Variants in SLC13A3 observed in about 807,000 individuals in gnomAD.
SLC13A3 encodes the protein Na(+)/dicarboxylate cotransporter 3.
SLC13A3 carries 40 observed loss-of-function variants against 59.0 expected under a neutral mutation model. The ratio of observed to expected loss-of-function variants is 0.68; its 90% CI spans 0.53 to 0.88. The LOEUF (loss-of-function observed/expected upper bound fraction) is 0.88. Among genes scored for constraint, SLC13A3 ranks in the 40% least tolerant of loss-of-function variants. The pLI is 0.00. For missense variants in SLC13A3, 699 were observed against 783.2 expected (o/e 0.89, Z 1.28); for synonymous variants, 317 against 330.3 (o/e 0.96, Z 0.44).
At chr20:46,647,532 T>G (rs1318919431) in intron 1 of SLC13A3, among the ~76,000 whole-genome samples, 2 of 152,210 alleles carry the variant, frequency 1.3e-5, no homozygotes, top group Non-Finnish European at 2.9e-5. Flanking sequence ...CCCAACTTCC[T>G]GAGCCCCCAG....
At chr20:46,655,398 C>T (rs1357368262), upstream of SLC13A3, among the ~76,000 whole-genome samples, 2 of 149,374 alleles carry the variant, frequency 1.3e-5, no homozygotes, top group Admixed American at 1.3e-4. Flanking sequence ...TTAATTAGCT[C>T]ATGGTTATGC....
At chr20:46,660,390 G>A (rs1366147331) in intron 1 of SLC13A3, among the ~76,000 whole-genome samples, 1 of 151,888 alleles carries the variant, frequency 6.6e-6, no homozygotes, top group Non-Finnish European at 1.5e-5. Flanking sequence ...TTTTCCTTTA[G>A]TACTTAAAGA....
At chr20:46,636,547 T>C (rs17481569) in intron 1 of SLC13A3, among the ~76,000 whole-genome samples, 16,886 of 152,254 alleles carry the variant, frequency 0.11, 1,030 homozygotes, top group Non-Finnish European at 0.14. Flanking sequence ...AGGTCCCTAT[T>C]AACCTCTCAC....
chr20:46,588,148 A>T lies in SLC13A3; in HGVS notation c.1032T>A (p.Ala344=). The change falls in exon 8 of 13, where the codon GCT becomes GCA. Residue 344 remains alanine (A), a synonymous_variant. Transcript: ENST00000279027. ...NLGPIKFAEQ[A]VFILFCMFAI... Reference sequence around the variant, plus strand: ...CAAACATGCAGAAAAGGATGAAAACAGCCTGTTCGGCAAACCTGTGGCACA... The same window carrying T: ...CAAACATGCAGAAAAGGATGAAAACTGCCTGTTCGGCAAACCTGTGGCACA... 6.2e-7 allele frequency: 1 copy of T among 1,611,362 alleles called. No homozygotes were observed. Among genetic ancestry groups the T allele is most frequent in the South Asian group, 1.1e-5 (1 of 90,832 alleles).
At chr20:46,576,669 C>T (rs1460520413) in intron 9 of SLC13A3, among the ~76,000 whole-genome samples, 1 of 152,114 alleles carries the variant, frequency 6.6e-6, no homozygotes, top group Non-Finnish European at 1.5e-5. Flanking sequence ...ATGCCTGGTG[C>T]AGGGTAATCA....
intron 1 of SLC13A3, among the ~76,000 whole-genome samples, chr20:46,648,546 C>A (rs1194602868): frequency 6.6e-6 from 1 of 152,010 alleles, no homozygotes; most frequent in African/African-American, 2.4e-5. Context: ...AAAGGGTCCC[C>A]ACAAGGGAAC....
At chr20:46,616,576 G>C (rs1462110033) in intron 1 of SLC13A3, among the ~76,000 whole-genome samples, 1 of 152,212 alleles carries the variant, frequency 6.6e-6, no homozygotes, top group East Asian at 1.9e-4. Flanking sequence ...AGACCCTTTT[G>C]TTGGAAAAGC....
At chr20:46,588,253 G>T in intron 7 of SLC13A3, 90 bp from the exon 8 acceptor site, 1 of 724,730 alleles carries the variant, frequency 1.4e-6, no homozygotes. Flanking sequence ...CACTGGGAGT[G>T]ACTGGGCCCG....
intron 11 of SLC13A3, 77 bp from the exon 12 acceptor site, chr20:46,563,628 G>GAGAGAC: frequency 6.7e-7 from 1 of 1,488,118 alleles, no homozygotes; most frequent in Non-Finnish European, 9.1e-7. Context: ...GAGAGAGAGA[G>GAGAGAC]AGAGGCAGTT....
intron 1 of SLC13A3, among the ~76,000 whole-genome samples, chr20:46,615,592 T>C (rs924638695): frequency 1.3e-5 from 2 of 152,188 alleles, no homozygotes; most frequent in Non-Finnish European, 2.9e-5. Flanking sequence ...GATAGATCTG[T>C]TGTGATATGT....
chr20:46,629,750 C>T (rs527547732), intron 1 of SLC13A3, among the ~76,000 whole-genome samples: 4 of 152,264 alleles, frequency 2.6e-5, no homozygotes, highest in African/African-American at 9.6e-5. Flanking sequence ...CCTTCTGCTT[C>T]TTAATCTCTC....
chr20:46,564,767 C>T (rs760929116), intron 11 of SLC13A3, among the ~76,000 whole-genome samples: 9 of 152,188 alleles, frequency 5.9e-5, no homozygotes, highest in African/African-American at 1.2e-4. Flanking sequence ...AATGCATAGA[C>T]AAGGCTCAGG....
chr20:46,638,308 A>G (rs2694903), intron 1 of SLC13A3, among the ~76,000 whole-genome samples: 46,971 of 152,204 alleles, frequency 0.31, 11,041 homozygotes, highest in African/African-American at 0.64. Context: ...GTTAATAAAA[A>G]GAGCTGGAAG....
chr20:46,671,404 G>A (rs2063090720), upstream of SLC13A3, among the ~76,000 whole-genome samples: 1 of 151,990 alleles, frequency 6.6e-6, no homozygotes. Flanking sequence ...GGATCCCAAA[G>A]GCATGTCCTA....
At chr20:46,664,704 T>G (rs2063052096) in intron 1 of SLC13A3, among the ~76,000 whole-genome samples, 1 of 152,156 alleles carries the variant, frequency 6.6e-6, no homozygotes, top group Admixed American at 6.5e-5. Flanking sequence ...TTGAGAGTGG[T>G]GCTTTGGAGG....
upstream of SLC13A3, among the ~76,000 whole-genome samples, chr20:46,653,027 T>G (rs902044385): frequency 4.6e-5 from 7 of 152,224 alleles, no homozygotes; most frequent in African/African-American, 1.7e-4. Context: ...TCTTTTCACA[T>G]GCTAATTTGC....
chr20:46,637,668 C>T (rs1204486827), intron 1 of SLC13A3, among the ~76,000 whole-genome samples: 1 of 152,220 alleles, frequency 6.6e-6, no homozygotes, highest in Non-Finnish European at 1.5e-5. Context: ...CCTAAGTACT[C>T]TGGGCATGTG....
At chr20:46,655,433 G>A (rs950740901), upstream of SLC13A3, among the ~76,000 whole-genome samples, 1 of 148,952 alleles carries the variant, frequency 6.7e-6, no homozygotes, top group African/African-American at 2.5e-5. Flanking sequence ...GCATGGTGCT[G>A]GCATCTGCTC....
At position 46,563,545 on chromosome 20, in the gene SLC13A3, G is replaced by A. The variant is rs760627245; in HGVS notation, c.1501C>T (p.Arg501Cys). 41 of 1,613,460 alleles carry A rather than the reference G, an allele frequency of 2.5e-5. No individual in the cohort carries two copies. Among genetic ancestry groups the A allele is most frequent in the East Asian group, 4.5e-5 (2 of 44,850 alleles). ...FLPVLAELAI[R>C]LRVHPLYLMI... is the part of the protein sequence containing the mutation. Reference sequence around the variant, plus strand: ...AGATACAGGGGGTGCACTCTCAGGCGGATGGCCTGGGCCAGGAAAAGGTGG... The same window carrying A: ...AGATACAGGGGGTGCACTCTCAGGCAGATGGCCTGGGCCAGGAAAAGGTGG... Residue 501 changes from arginine (R) to cysteine (C), a missense_variant, in exon 12 of 13, where the codon CGC becomes TGC. Coordinates refer to ENST00000279027, the MANE Select transcript of SLC13A3 (RefSeq NM_022829.6).
Sources: gnomAD v4.1 joint callset for allele counts (sites outside exome capture counted in the v4.1 genomes callset) on GRCh38, gnomAD v4.1.1 for gene constraint, MANE v1.5 for transcripts, NCBI Gene and HGNC (gene_info 2026-07-23, HGNC 2026-07-21) for gene names.